The following ABCC12 variants were observed in gnomAD, a reference collection of about 807,000 sequenced individuals.
ABCC12 encodes ATP binding cassette subfamily C member 12.
Under a neutral mutation model 151.1 loss-of-function variants are expected in ABCC12, and 142 were observed. That is an observed-to-expected ratio of 0.94 (90% CI 0.82 to 1.08). ABCC12 has a LOEUF of 1.08. ABCC12 is among the 50% of genes least tolerant of loss of function. ABCC12 has a pLI of 0.00. For synonymous variants in ABCC12, 645 were observed against 646.4 expected (o/e 1.00, Z 0.03); for missense variants, 1,638 against 1,691.1 (o/e 0.97, Z 0.55).
At position 48,100,959 on chromosome 16, in the gene ABCC12, C is replaced by A. The variant is rs531444167; in HGVS notation, c.2951G>T (p.Arg984Leu). Reference sequence around the variant, plus strand: ...GGTGATGTGGGTGAACCAGGGTGACCGGCTGACATTCTCCACCTTCTTGAG... The same window carrying A: ...GGTGATGTGGGTGAACCAGGGTGACAGGCTGACATTCTCCACCTTCTTGAG... ...QELKKVENVS[R>L]SPWFTHITSS... The change falls in exon 23 of 31, where the codon CGG becomes CTG. Residue 984 changes from arginine (R) to leucine (L), a missense_variant. By Grantham distance (102) the Arg-to-Leu change is moderately radical. Transcript: ENST00000311303. 1.2e-6 allele frequency: 2 copies of A among 1,614,136 alleles called. No homozygotes were observed. The highest frequency in any genetic ancestry group is 1.7e-6 in the Non-Finnish European group (2 of 1,180,016).
chr16:48,128,724 T>G lies in ABCC12; in HGVS notation c.1250A>C (p.Asp417Ala), dbSNP rs1357636490. The part of the protein sequence containing the change: ...SLRRMKKILI[D>A]KSPPSYITQP... ...GGTGATGTAAGATGGGGGGCTTTTA[T>G]CTATGAGAATTTTCTAAGATTAAAG... is the stretch of plus-strand genomic sequence containing the variant. Residue 417 changes from aspartate (D) to alanine (A), a missense_variant, in exon 11 of 31, where the codon GAT becomes GCT. Transcript: ENST00000311303. 6.2e-7 allele frequency: 1 copy of G among 1,612,400 alleles called. No homozygotes were observed. Among genetic ancestry groups the G allele is most frequent in the African/African-American group, 1.3e-5 (1 of 74,744 alleles).
intron 13 of ABCC12, 81 bp downstream of exon 13, chr16:48,121,635 G>A: frequency 6.4e-7 from 1 of 1,551,336 alleles, no homozygotes; most frequent in South Asian, 1.2e-5. Flanking sequence ...CCACTTAGCA[G>A]TCATTACCAA....
At chr16:48,115,915 C>T (rs1032488476) in intron 14 of ABCC12, among the ~76,000 whole-genome samples, 1 of 152,214 alleles carries the variant, frequency 6.6e-6, no homozygotes, top group Non-Finnish European at 1.5e-5. Context: ...CAATGCAGAT[C>T]CCACAGGGAG....
At chr16:48,146,175 T>G in intron 3 of ABCC12, 131 bp downstream of exon 3, 1 of 781,262 alleles carries the variant, frequency 1.3e-6, no homozygotes. Context: ...AATGAACGTG[T>G]GCATGGGTGG....
In ABCC12 at chr16:48,111,765, G is replaced by C. The variant is rs1217175075; in HGVS notation, c.2124+11C>G. 6.2e-7 allele frequency: 1 copy of C among 1,614,146 alleles called. No homozygotes were observed. The highest frequency in any genetic ancestry group is 2.2e-5 in the East Asian group (1 of 44,874). On this transcript the variant is annotated intron_variant, in intron 16 of 30. Coordinates refer to ENST00000311303, the MANE Select transcript of ABCC12 (RefSeq NM_001393797.1). ...CCCAATTGTTCCCACACCTGCCCAG[G>C]TGTGAGTTACCTTGAACTGCAATCC...
intron 8 of ABCC12, among the ~76,000 whole-genome samples, chr16:48,136,061 C>A (rs532017753): frequency 1.1e-4 from 17 of 152,252 alleles, no homozygotes; most frequent in Admixed American, 3.9e-4. Flanking sequence ...TTATTTTATG[C>A]CTTTTTGACA....
chr16:48,134,295 C>T lies in ABCC12; in HGVS notation c.980-460G>A, dbSNP rs145740414. On this transcript the variant is annotated intron_variant, in intron 8 of 30. Transcript: ENST00000311303. Reference sequence around the variant, plus strand: ...CTAGGAGCCTGCTCCCCACCAACTGCAAGTATGGAAACAAAGGAAAATCTT... The same window carrying T: ...CTAGGAGCCTGCTCCCCACCAACTGTAAGTATGGAAACAAAGGAAAATCTT... 2.8e-3 allele frequency among the ~76,000 whole-genome samples: 431 copies of T among 152,260 alleles called. 1 individual carries two copies. Among genetic ancestry groups the T allele is most frequent in the African/African-American group, 0.01 (423 of 41,548 alleles).
intron 25 of ABCC12, among the ~76,000 whole-genome samples, 179 bp from the exon 26 acceptor site, chr16:48,088,913 G>GA (rs1478261436): frequency 6.6e-6 from 1 of 151,792 alleles, no homozygotes; most frequent in Non-Finnish European, 1.5e-5. Flanking sequence ...TAATAAACAA[G>GA]AAAAAAAATT....
intron 25 of ABCC12, among the ~76,000 whole-genome samples, chr16:48,089,344 T>C (rs1211527969): frequency 6.6e-6 from 1 of 152,120 alleles, no homozygotes; most frequent in Non-Finnish European, 1.5e-5. Flanking sequence ...CTCAACCAGA[T>C]ATAATTTCAA....
chr16:48,092,746 A>G (rs895792409), intron 24 of ABCC12, among the ~76,000 whole-genome samples: 2 of 152,144 alleles, frequency 1.3e-5, no homozygotes, highest in Non-Finnish European at 2.9e-5. Context: ...AATGTCCCAA[A>G]AGCAGGTTGA....
At chr16:48,103,976 G>A (rs1963393307) in intron 22 of ABCC12, among the ~76,000 whole-genome samples, 166 bp downstream of exon 22, 1 of 152,118 alleles carries the variant, frequency 6.6e-6, no homozygotes, top group Admixed American at 6.6e-5. Context: ...GTTGCTCTGG[G>A]GCTAAAATGC....
At chr16:48,149,872 C>G (rs563716173) in intron 2 of ABCC12, among the ~76,000 whole-genome samples, 1 of 152,152 alleles carries the variant, frequency 6.6e-6, no homozygotes, top group South Asian at 2.1e-4. Context: ...ATTACAACCA[C>G]AATCACAATA....
At chr16:48,138,457 G>A in intron 7 of ABCC12, 82 bp from the exon 8 acceptor site, 1 of 1,485,970 alleles carries the variant, frequency 6.7e-7, no homozygotes, top group Middle Eastern at 2.1e-4. Flanking sequence ...GGGAGTGTAA[G>A]TGCCAGAAAA....
At position 48,102,880 on chromosome 16, in the gene ABCC12, C is replaced by T. The variant is rs144012896; in HGVS notation, c.2900+1262G>A. Among the ~76,000 whole-genome samples, 356 of 152,284 alleles carry T rather than the reference C, an allele frequency of 2.3e-3. 1 individual carries two copies. Among genetic ancestry groups the T allele is most frequent in the African/African-American group, 6.3e-3 (263 of 41,548 alleles). ...CCCCAACACCCAAAATTCCACCAGA[C>T]GTGGGAAGTGAAACCCTGATGACAC... On this transcript the variant is annotated intron_variant, in intron 22 of 30. Transcript: ENST00000311303.
At chr16:48,134,030 C>T (rs1052042758) in intron 8 of ABCC12, among the ~76,000 whole-genome samples, 195 bp from the exon 9 acceptor site, 5 of 152,140 alleles carry the variant, frequency 3.3e-5, no homozygotes, top group African/African-American at 7.2e-5. Flanking sequence ...CTGTCAGCTG[C>T]CGTAAGTGGA....
chr16:48,117,437 G>A (rs933546060), intron 13 of ABCC12, 104 bp from the exon 14 acceptor site: 2 of 1,260,292 alleles, frequency 1.6e-6, no homozygotes, highest in African/African-American at 1.5e-5. Flanking sequence ...GCAAGGCCAG[G>A]GGTGGCGGCT....
At chr16:48,123,207 T>G (rs888171381) in intron 12 of ABCC12, among the ~76,000 whole-genome samples, 2 of 152,216 alleles carry the variant, frequency 1.3e-5, no homozygotes, top group African/African-American at 4.8e-5. Flanking sequence ...TCACTGGAGC[T>G]ATCCGAGCAG....
At position 48,125,517 on chromosome 16, in the gene ABCC12, C is replaced by T. The variant is rs138699818; in HGVS notation, c.1516-1233G>A. Among the ~76,000 whole-genome samples, 95 of 152,182 alleles carry T rather than the reference C, an allele frequency of 6.2e-4. 1 individual carries two copies. Among genetic ancestry groups the T allele is most frequent in the Admixed American group, 1.6e-3 (25 of 15,292 alleles). Reference sequence around the variant, plus strand: ...TGCCACAGGTGACATTTGGGTAAGACGTGAAGGAGGTGAGGAAGGGTGCCA... The same window carrying T: ...TGCCACAGGTGACATTTGGGTAAGATGTGAAGGAGGTGAGGAAGGGTGCCA... On this transcript the variant is annotated intron_variant, in intron 11 of 30. Coordinates refer to ENST00000311303, the MANE Select transcript of ABCC12 (RefSeq NM_001393797.1).
intron 27 of ABCC12, 84 bp downstream of exon 27, chr16:48,087,842 A>C: frequency 1.4e-6 from 2 of 1,441,040 alleles, no homozygotes; most frequent in East Asian, 2.3e-5. Context: ...CAGGCCAGCC[A>C]TGCCCTGGGG....
Sources: allele counts gnomAD v4.1 joint callset (sites outside exome capture counted in the v4.1 genomes callset), GRCh38; gene constraint gnomAD v4.1.1; transcripts MANE v1.5; gene names NCBI Gene and HGNC (gene_info 2026-07-23, HGNC 2026-07-21).